Variants in ATG7 observed in about 807,000 individuals in gnomAD.
ATG7 encodes autophagy related 7.
In ATG7, 70 loss-of-function variants were observed where a neutral mutation model predicts 82.4. That is an observed-to-expected ratio of 0.85 (90% confidence interval 0.70 to 1.04). The LOEUF (loss-of-function observed/expected upper bound fraction) is 1.04. Among genes scored for constraint, ATG7 ranks in the 50% least tolerant of loss-of-function variants. The pLI, the probability that ATG7 is intolerant of heterozygous loss-of-function variation, is 0.00. For synonymous variants in ATG7, 287 were observed against 313.0 expected (o/e 0.92, Z 0.88); for missense variants, 792 against 864.3 (o/e 0.92, Z 1.05).
At chr3:11,372,849 T>TGCGC (rs55982929) in intron 18 of ATG7, among the ~76,000 whole-genome samples, 2 of 120,662 alleles carry the variant, frequency 1.7e-5, no homozygotes, top group African/African-American at 9.2e-5. Flanking sequence ...TGCGTGCGTG[T>TGCGC]GCGTGTGTGT....
intron 20 of ATG7, among the ~76,000 whole-genome samples, chr3:11,547,853 T>G (rs1559826675): frequency 6.6e-6 from 1 of 152,190 alleles, no homozygotes; most frequent in Non-Finnish European, 1.5e-5. Context: ...TTGCCCCTTT[T>G]TTTGTTTTGT....
chr3:11,307,023 C>A lies in ATG7; in HGVS notation c.296C>A (p.Ala99Glu). ...AACACACTCGAGTCTTTCAAGACTG[C>A]AGATAAGAAGCTCCTTTTGGAACAA... is the stretch of plus-strand genomic sequence containing the variant. ...NTNTLESFKT[A>E]DKKLLLEQAA... The change falls in exon 6 of 21, where the codon GCA (alanine) becomes GAA (glutamate). Residue 99 changes from alanine to glutamate, a missense_variant. By Grantham distance (107) the Ala-to-Glu change is moderately radical. Coordinates refer to ENST00000693202, the MANE Select transcript of ATG7 (RefSeq NM_001349232.2). 1.2e-6 allele frequency: 2 copies of A among 1,613,992 alleles called. No individual in the cohort carries two copies. The highest frequency in any genetic ancestry group is 1.7e-6 in the Non-Finnish European group (2 of 1,179,934).
intron 20 of ATG7, among the ~76,000 whole-genome samples, chr3:11,486,147 CAT>C (rs2089622251): frequency 6.6e-6 from 1 of 152,160 alleles, no homozygotes; most frequent in Non-Finnish European, 1.5e-5. Flanking sequence ...TGGCCATTTT[CAT>C]GATATTGATT....
chr3:11,443,088 T>C (rs1437843723), intron 20 of ATG7, among the ~76,000 whole-genome samples: 2 of 152,224 alleles, frequency 1.3e-5, no homozygotes, highest in African/African-American at 2.4e-5. Flanking sequence ...TGTTTTGAAA[T>C]TGACTCCTCA....
intron 20 of ATG7, among the ~76,000 whole-genome samples, chr3:11,516,367 C>T (rs943930747): frequency 1.3e-5 from 2 of 152,004 alleles, no homozygotes; most frequent in Admixed American, 1.3e-4. Flanking sequence ...AAAGATGTTC[C>T]ACATCATATG....
At chr3:11,458,093 T>C (rs2085922590) in intron 20 of ATG7, among the ~76,000 whole-genome samples, 1 of 152,196 alleles carries the variant, frequency 6.6e-6, no homozygotes, top group African/African-American at 2.4e-5. Flanking sequence ...ATGGAACTAG[T>C]GTCTTGTTTT....
At chr3:11,397,654 A>C (rs2079429731) in intron 19 of ATG7, among the ~76,000 whole-genome samples, 1 of 151,546 alleles carries the variant, frequency 6.6e-6, no homozygotes, top group Non-Finnish European at 1.5e-5. Context: ...ATGGGGTTTC[A>C]CCATGTTGCC....
intron 5 of ATG7, among the ~76,000 whole-genome samples, chr3:11,300,941 T>C (rs1268098535): frequency 6.6e-6 from 1 of 152,212 alleles, no homozygotes; most frequent in Non-Finnish European, 1.5e-5. Context: ...TTTTGATTTA[T>C]GATATTTTTT....
At chr3:11,427,397 A>G (rs1027416483) in intron 20 of ATG7, among the ~76,000 whole-genome samples, 3 of 151,724 alleles carry the variant, frequency 2.0e-5, no homozygotes, top group Non-Finnish European at 2.9e-5. Context: ...GAACCCCACC[A>G]TGAAATGGCT....
intron 19 of ATG7, among the ~76,000 whole-genome samples, chr3:11,404,638 C>T (rs2080161778): frequency 6.6e-6 from 1 of 151,984 alleles, no homozygotes; most frequent in Non-Finnish European, 1.5e-5. Context: ...TCTCATGCTG[C>T]TCATAAAGAC....
chr3:11,340,687 G>T lies in ATG7; in HGVS notation c.932G>T (p.Gly311Val), dbSNP rs149943158. The T allele has an allele frequency of 6.2e-7, 1 of 1,613,808 alleles. No homozygotes were observed. ...AVGWEKNQKG[G>V]MGPRMVNLSE... ...GGATGGGAAAAGAACCAGAAAGGAG[G>T]CATGGGACCAAGGATGGTGAACCTC... The change falls in exon 12 of 21, where the codon GGC (glycine) becomes GTC (valine). Residue 311 changes from glycine (G) to valine (V), a missense_variant. By Grantham distance (109) the Gly-to-Val change is moderately radical. Transcript: ENST00000693202.
chr3:11,451,782 T>C (rs2085161511), intron 20 of ATG7, among the ~76,000 whole-genome samples: 2 of 129,632 alleles, frequency 1.5e-5, no homozygotes, highest in Non-Finnish European at 1.6e-5. Flanking sequence ...ATGTTTATAG[T>C]CTCAAAAAAA....
At chr3:11,526,659 C>T (rs769481503) in intron 20 of ATG7, among the ~76,000 whole-genome samples, 23 of 152,290 alleles carry the variant, frequency 1.5e-4, no homozygotes, top group Middle Eastern at 3.4e-3. Context: ...AGATTTTCCA[C>T]GTAGACAGTG....
At chr3:11,530,248 C>T (rs2092669157) in intron 20 of ATG7, among the ~76,000 whole-genome samples, 2 of 152,278 alleles carry the variant, frequency 1.3e-5, no homozygotes, top group South Asian at 2.1e-4. Context: ...CCAGAGAGAG[C>T]GAGGCCCTGC....
chr3:11,323,778 C>T (rs1250479701), intron 9 of ATG7, among the ~76,000 whole-genome samples: 5 of 152,318 alleles, frequency 3.3e-5, no homozygotes, highest in African/African-American at 9.6e-5. Context: ...GTGATCTCTC[C>T]GCATCTTGGC....
intron 19 of ATG7, among the ~76,000 whole-genome samples, chr3:11,421,505 A>G (rs2081943176): frequency 6.6e-6 from 1 of 152,196 alleles, no homozygotes; most frequent in African/African-American, 2.4e-5. Context: ...AGATTGCAGC[A>G]ATTCAGTCAC....
intron 3 of ATG7, among the ~76,000 whole-genome samples, chr3:11,295,901 C>T (rs143968282): frequency 3.9e-4 from 59 of 152,112 alleles, no homozygotes; most frequent in African/African-American, 1.3e-3. Flanking sequence ...GCCTCAGCCT[C>T]CCAAGTAGCT....
At position 11,523,497 on chromosome 3, in the gene ATG7, T is replaced by G. The variant is rs558156494; in HGVS notation, c.2080-31314T>G. ...ATTCTTCCTTTAGGCAGAGGTGATA[T>G]GCACTGAAGTGTTTGATTTAGAGTG... On this transcript the variant is annotated intron_variant, in intron 20 of 20. Transcript: ENST00000693202. 6.6e-5 allele frequency among the ~76,000 whole-genome samples: 10 copies of G among 152,348 alleles called. No individual in the cohort carries two copies. In the South Asian group the frequency reaches 1.7e-3, roughly 25 times the overall value.
the ATG7 span, chr3:11,568,771 C>A: frequency 2.0e-6 from 3 of 1,493,258 alleles, no homozygotes; most frequent in Non-Finnish European, 2.7e-6. This position sits in a 1 kb window ranked among gnomAD's most constrained non-coding sequence, Gnocchi z 5.9. Flanking sequence ...AAGTCGCCTC[C>A]GCTCCTGGTC....
Sources: allele counts gnomAD v4.1 joint callset (sites outside exome capture counted in the v4.1 genomes callset), GRCh38; gene constraint gnomAD v4.1.1; non-coding constraint Gnocchi (gnomAD v3.1); transcripts MANE v1.5; gene names NCBI Gene and HGNC (gene_info 2026-07-23, HGNC 2026-07-21).